The following TTBK2 variants were observed in gnomAD, a reference collection of about 807,000 sequenced individuals.
TTBK2 encodes tau-tubulin kinase 2.
Under a neutral mutation model 110.8 loss-of-function variants are expected in TTBK2, and 28 were observed. That is an observed-to-expected ratio of 0.25 (90% confidence interval 0.19 to 0.35). The LOEUF (loss-of-function observed/expected upper bound fraction) is 0.35. TTBK2 is among the 10% of genes least tolerant of loss of function. TTBK2 has a pLI of 1.00. For synonymous variants in TTBK2, 532 were observed against 527.3 expected (o/e 1.01, Z -0.12); for missense variants, 1,369 against 1,500.3 (o/e 0.91, Z 1.45).
intron 9 of TTBK2, chr15:42,801,030 A>T (rs1202678596): frequency 1.3e-6 from 1 of 765,722 alleles, no homozygotes; most frequent in Non-Finnish European, 2.4e-6. Context: ...CTTCTTCATG[A>T]CCACGGCCCT....
rs779705342 is a variant in TTBK2, at chr15:42,745,862, T to C, written c.3668A>G (p.His1223Arg). 2 of 1,614,066 alleles carry C rather than the reference T, an allele frequency of 1.2e-6. No homozygotes were observed. The highest frequency in any genetic ancestry group is 1.3e-5 in the African/African-American group (1 of 74,924). The change falls in exon 15 of 15, where the codon CAC becomes CGC. Residue 1223 changes from histidine to arginine, a missense_variant. By Grantham distance (29) the His-to-Arg change is conservative (BLOSUM62 0). Around this residue, in one of 4 missense-constraint regions of TTBK2, gnomAD observed 1,097 missense variants for 1,114.7 expected, o/e 0.98. Transcript: ENST00000267890. ...GGTTTTAGTGCTGGCTGAGTGGTGGTGGAGGCTGCCGGATCCTTTCAGGCC... is the reference window on the plus strand; with the variant it reads ...GGTTTTAGTGCTGGCTGAGTGGTGGCGGAGGCTGCCGGATCCTTTCAGGCC... ...KNGLKGSGSLHHHSASTKTPQ... is the reference protein window; with the variant it reads ...KNGLKGSGSLRHHSASTKTPQ...
chr15:42,893,938 T>TA lies in TTBK2; in HGVS notation c.-67-15255dup, dbSNP rs986631149. Among the ~76,000 whole-genome samples the TA allele has an allele frequency of 2.6e-5, 4 of 152,110 alleles. No homozygotes were observed. The East Asian group carries it at 7.7e-4, about 29-fold the overall frequency. On this transcript the variant is annotated intron_variant, in intron 1 of 14. Transcript: ENST00000267890. ...AAAGGGACCTCCTTAATAGTCCTAC[T>TA]AAAAAAATATGGGCATGATATGGTT...
chr15:42,827,728 T>A (rs910590623), intron 6 of TTBK2, among the ~76,000 whole-genome samples, 200 bp downstream of exon 6: 2 of 152,080 alleles, frequency 1.3e-5, no homozygotes, highest in Non-Finnish European at 2.9e-5. Context: ...CCACTCTAAA[T>A]CTCCCTCTAA....
intron 14 of TTBK2, among the ~76,000 whole-genome samples, chr15:42,747,456 C>T (rs12594600): frequency 0.057 from 8,615 of 152,192 alleles, 565 homozygotes; most frequent in African/African-American, 0.17. Context: ...AATTTTTCCA[C>T]GATGGGGGGA....
chr15:42,900,692 T>C (rs1157780534), intron 1 of TTBK2, among the ~76,000 whole-genome samples: 1 of 152,008 alleles, frequency 6.6e-6, no homozygotes, highest in Non-Finnish European at 1.5e-5. Flanking sequence ...GGCACAGCAC[T>C]CCATGGGAAA....
At position 42,775,213 on chromosome 15, in the gene TTBK2, C is replaced by T; in HGVS notation, c.1920G>A (p.Gln640=). The T allele has an allele frequency of 4.3e-6, 7 of 1,614,236 alleles. No individual in the cohort carries two copies. The highest frequency in any genetic ancestry group is 5.9e-6 in the Non-Finnish European group (7 of 1,180,040). ...CAATAAACTGACTAGCAGCTCCAGG[C>T]TGGAGTTCCAGCCTATCTGTATATT... ...SEQYTDRLEL[Q]PGAASQFIAA... is the part of the protein sequence containing the mutation. Residue 640 remains glutamine (Q), a synonymous_variant, in exon 13 of 15, where the codon CAG becomes CAA. Transcript: ENST00000267890.
chr15:42,773,485 A>T (rs1024127343), intron 13 of TTBK2, among the ~76,000 whole-genome samples: 3 of 152,150 alleles, frequency 2.0e-5, no homozygotes, highest in Admixed American at 2.0e-4. Context: ...ATTCAAAGAT[A>T]TCTAAAAATA....
intron 1 of TTBK2, among the ~76,000 whole-genome samples, chr15:42,881,625 G>A (rs1895053745): frequency 6.6e-6 from 1 of 152,082 alleles, no homozygotes; most frequent in Non-Finnish European, 1.5e-5. Flanking sequence ...TGTAATCATA[G>A]CACTTTGGGA....
At chr15:42,913,131 C>CAAAAA (rs61404472) in intron 1 of TTBK2, among the ~76,000 whole-genome samples, 41 of 30,856 alleles carry the variant, frequency 1.3e-3, no homozygotes, top group African/African-American at 3.4e-3. Context: ...GACTCCGTCT[C>CAAAAA]AAAAAAAAAA....
rs1469936309 is a variant in TTBK2 at position 42,758,747 on chromosome 15, G to A, written c.1999-5500C>T. ...TTACCCAAGCCCAGATTGGGCTGGA[G>A]TCAGGAGGGACTTCCTGTTGTGGGA... On this transcript the variant is annotated intron_variant, in intron 13 of 14. Transcript: ENST00000267890. Among the ~76,000 whole-genome samples, 3 of 151,854 alleles carry A rather than the reference G, an allele frequency of 2.0e-5. No homozygotes were observed. In the East Asian group the frequency reaches 5.8e-4, roughly 29 times the overall value.
At position 42,740,436 on chromosome 15, in the gene TTBK2, A is replaced by G. The variant is rs888617130; in HGVS notation, c.*5359T>C. 1 of 152,212 alleles carries G rather than the reference A, an allele frequency of 6.6e-6. No individual in the cohort carries two copies. Among genetic ancestry groups the G allele is most frequent in the African/African-American group, 2.4e-5 (1 of 41,448 alleles). The allele number at this position is 152,212 out of a possible 1,614,324, so 9.4% of individuals were successfully genotyped here. On this transcript the variant is annotated 3_prime_UTR_variant, in exon 15 of 15. Transcript: ENST00000267890. ...TCACATACTTTAATTTTCTGATCCAAATTTGCTGAAAGGGAATAATTAAAC... is the reference window on the plus strand; with the variant it reads ...TCACATACTTTAATTTTCTGATCCAGATTTGCTGAAAGGGAATAATTAAAC...
intron 7 of TTBK2, among the ~76,000 whole-genome samples, chr15:42,814,755 C>A (rs972731331): frequency 2.6e-5 from 4 of 152,174 alleles, no homozygotes; most frequent in South Asian, 2.1e-4. Context: ...CATCACCTCA[C>A]AAACTAACAA....
intron 9 of TTBK2, among the ~76,000 whole-genome samples, chr15:42,795,653 G>A (rs1890904113): frequency 6.6e-6 from 1 of 151,900 alleles, no homozygotes; most frequent in Non-Finnish European, 1.5e-5. Flanking sequence ...CACCAGCCTG[G>A]CGAACATGGT....
intron 7 of TTBK2, among the ~76,000 whole-genome samples, chr15:42,814,103 C>T (rs1406531593): frequency 6.6e-6 from 1 of 151,886 alleles, no homozygotes; most frequent in African/African-American, 2.4e-5. Context: ...CTCACTGCAA[C>T]CTCCGCCTCC....
At chr15:42,838,505 C>T (rs1471990245) in intron 4 of TTBK2, among the ~76,000 whole-genome samples, 2 of 152,066 alleles carry the variant, frequency 1.3e-5, no homozygotes, top group African/African-American at 4.8e-5. Flanking sequence ...CTCGACCTAA[C>T]TCCACTACCA....
At chr15:42,896,811 A>T (rs578061225) in intron 1 of TTBK2, among the ~76,000 whole-genome samples, 1 of 152,226 alleles carries the variant, frequency 6.6e-6, no homozygotes, top group African/African-American at 2.4e-5. Flanking sequence ...AATAAAATAA[A>T]TAAATAAAAC....
In TTBK2 at chr15:42,827,952, G is replaced by A. The variant is rs55680965; in HGVS notation, c.513C>T (p.Thr171=). ...CTGGTCTGACGTCACCACAGGAATT[G>A]GTAAATTGTCGAGCCAAGCCAAAAT... is the stretch of plus-strand genomic sequence containing the variant. ...MLDFGLARQF[T]NSCGDVRPPR... Residue 171 remains threonine, a synonymous_variant, in exon 6 of 15, where the codon ACC becomes ACT. Transcript: ENST00000267890. The A allele has an allele frequency of 1.2e-6, 2 of 1,613,460 alleles. No individual in the cohort carries two copies. The highest frequency in any genetic ancestry group is 4.5e-5 in the East Asian group (2 of 44,744).
intron 1 of TTBK2, among the ~76,000 whole-genome samples, chr15:42,903,514 A>G (rs2030192607): frequency 6.6e-6 from 1 of 152,224 alleles, no homozygotes; most frequent in South Asian, 2.1e-4. Context: ...AAAGCCAAAT[A>G]ATTTTCACTA....
At chr15:42,866,689 TAAAAA>T (rs1183239979) in intron 3 of TTBK2, among the ~76,000 whole-genome samples, 1 of 151,782 alleles carries the variant, frequency 6.6e-6, no homozygotes, top group Non-Finnish European at 1.5e-5. Flanking sequence ...CTAACAAACT[TAAAAA>T]AATAGAAATC....
Sources: gnomAD v4.1 joint callset for allele counts (sites outside exome capture counted in the v4.1 genomes callset) on GRCh38, gnomAD v4.1.1 for gene constraint, gnomAD v4.1.1 regional missense constraint, MANE v1.5 for transcripts, NCBI Gene and HGNC (gene_info 2026-07-23, HGNC 2026-07-21) for gene names.